The following SNTG1 variants were observed in gnomAD, a reference collection of about 807,000 sequenced individuals.
SNTG1 encodes gamma-1-syntrophin.
Under a neutral mutation model 74.7 loss-of-function variants are expected in SNTG1, and 39 were observed. That is an observed-to-expected ratio of 0.52 (90% CI 0.40 to 0.68). The LOEUF (loss-of-function observed/expected upper bound fraction) is 0.68. Among genes scored for constraint, SNTG1 ranks in the 30% least tolerant of loss-of-function variants. The probability of loss-of-function intolerance (pLI) is 0.00; values close to 1 mark genes in which losing one functional copy is unlikely to be tolerated. For synonymous variants in SNTG1, 254 were observed against 217.1 expected (o/e 1.17, Z -1.49); for missense variants, 685 against 609.5 (o/e 1.12, Z -1.30).
At chr8:50,740,389 T>C (rs911574390) in intron 17 of SNTG1, among the ~76,000 whole-genome samples, 1 of 147,626 alleles carries the variant, frequency 6.8e-6, no homozygotes, top group Admixed American at 6.7e-5. Flanking sequence ...TCAACATCAC[T>C]GATTATTAGA....
At chr8:50,499,732 T>G (rs2093935193) in intron 8 of SNTG1, among the ~76,000 whole-genome samples, 1 of 151,962 alleles carries the variant, frequency 6.6e-6, no homozygotes, top group African/African-American at 2.4e-5. Context: ...TTGCTTAAAG[T>G]GTTCAACAGA....
chr8:50,372,119 C>A (rs922224100), intron 2 of SNTG1, among the ~76,000 whole-genome samples: 1 of 151,730 alleles, frequency 6.6e-6, no homozygotes, highest in African/African-American at 2.4e-5. Context: ...CAACTCTTTT[C>A]ATTTTTCATC....
intron 1 of SNTG1, among the ~76,000 whole-genome samples, chr8:49,996,038 A>C (rs981980520): frequency 6.6e-6 from 1 of 152,104 alleles, no homozygotes; most frequent in Non-Finnish European, 1.5e-5. Flanking sequence ...AAAAGATGAA[A>C]CCTTAGAAAT....
At chr8:50,552,115 T>C (rs2094430648) in intron 11 of SNTG1, among the ~76,000 whole-genome samples, 1 of 152,222 alleles carries the variant, frequency 6.6e-6, no homozygotes, top group Non-Finnish European at 1.5e-5. Flanking sequence ...AGTTTTCTGT[T>C]ACTGTCAAAA....
chr8:50,131,708 T>C (rs951976325), intron 1 of SNTG1, among the ~76,000 whole-genome samples: 2 of 152,120 alleles, frequency 1.3e-5, no homozygotes, highest in African/African-American at 4.8e-5. Flanking sequence ...TACTCAGAAG[T>C]GGGATTGCTG....
chr8:50,608,386 G>A (rs2094827943), intron 13 of SNTG1, among the ~76,000 whole-genome samples: 2 of 151,390 alleles, frequency 1.3e-5, no homozygotes. Context: ...CTGTTGTTAG[G>A]TACTTATATA....
At chr8:50,488,079 T>C (rs2093814797) in intron 8 of SNTG1, among the ~76,000 whole-genome samples, 1 of 152,332 alleles carries the variant, frequency 6.6e-6, no homozygotes, top group South Asian at 2.1e-4. Context: ...CCATTCTATC[T>C]TGTTTTCTGT....
Position 49,963,007 on chromosome 8 carries a change from GC to G in SNTG1, c.-103+50778del, listed in dbSNP as rs570247969. Among the ~76,000 whole-genome samples, 1,102 of 152,334 alleles carry G rather than the reference GC, an allele frequency of 7.2e-3. 9 individuals are homozygous for G. The highest frequency in any genetic ancestry group is 9.1e-3 in the Non-Finnish European group (622 of 68,034). On this transcript the variant is annotated intron_variant, in intron 1 of 18. Coordinates refer to ENST00000642720, the MANE Select transcript of SNTG1 (RefSeq NM_018967.5). ...CGACTCCTGAGTAGGTGCTTCTCAAGCCAGAGGCGGGAAGCGCAATCCAAGA... is the reference window on the plus strand; with the variant it reads ...CGACTCCTGAGTAGGTGCTTCTCAAGCAGAGGCGGGAAGCGCAATCCAAGA...
At chr8:50,210,823 T>C (rs1295191829) in intron 2 of SNTG1, among the ~76,000 whole-genome samples, 6 of 152,132 alleles carry the variant, frequency 3.9e-5, no homozygotes, top group Non-Finnish European at 8.8e-5. Flanking sequence ...AAAAACATAA[T>C]TCATGTTATG....
At chr8:50,699,472 G>A (rs2095416272) in intron 15 of SNTG1, among the ~76,000 whole-genome samples, 1 of 151,838 alleles carries the variant, frequency 6.6e-6, no homozygotes, top group Non-Finnish European at 1.5e-5. Flanking sequence ...TCTTCTAAGT[G>A]GATGAAGTAC....
intron 2 of SNTG1, among the ~76,000 whole-genome samples, chr8:50,324,887 A>G (rs920950076): frequency 5.4e-5 from 8 of 149,362 alleles, no homozygotes; most frequent in African/African-American, 2.0e-4. Flanking sequence ...TGTGATTTAC[A>G]TTTAGGTGTA....
chr8:50,394,376 G>A, intron 3 of SNTG1, 111 bp downstream of exon 3: 7 of 1,034,970 alleles, frequency 6.8e-6, no homozygotes, highest in Non-Finnish European at 1.0e-5. Flanking sequence ...ATGGAGAGAG[G>A]AGGATGGGCT....
intron 1 of SNTG1, among the ~76,000 whole-genome samples, chr8:50,026,969 A>G (rs1375044950): frequency 1.3e-5 from 2 of 152,150 alleles, no homozygotes; most frequent in Admixed American, 6.6e-5. Context: ...TCTGGTTTCC[A>G]TTCCCTCTGG....
chr8:50,142,889 T>C (rs1346863989), intron 1 of SNTG1, among the ~76,000 whole-genome samples: 5 of 151,972 alleles, frequency 3.3e-5, no homozygotes, highest in African/African-American at 9.7e-5. Context: ...CTGGCCAACA[T>C]AGTGAAACCC....
At chr8:50,172,103 C>T (rs2082828624) in intron 1 of SNTG1, among the ~76,000 whole-genome samples, 1 of 152,152 alleles carries the variant, frequency 6.6e-6, no homozygotes, top group African/African-American at 2.4e-5. Flanking sequence ...CCCCCCACCA[C>T]CATAAAACTG....
Position 50,394,237 on chromosome 8 carries a change from A to G in SNTG1, c.-2A>G. ...ACGACATCCTTTGTGGTGCCACAGC[A>G]CATGGATTTCAGAACCGCCTGTGAG... is the stretch of plus-strand genomic sequence containing the variant. On this transcript the variant is annotated 5_prime_UTR_variant, in exon 3 of 19. Transcript: ENST00000642720. 1 of 1,613,234 alleles carries G rather than the reference A, an allele frequency of 6.2e-7. No homozygotes were observed. The highest frequency in any genetic ancestry group is 8.5e-7 in the Non-Finnish European group (1 of 1,179,478).
intron 2 of SNTG1, among the ~76,000 whole-genome samples, chr8:50,266,000 G>A (rs922279979): frequency 1.3e-5 from 2 of 150,130 alleles, no homozygotes; most frequent in Non-Finnish European, 3.0e-5. Flanking sequence ...TGTTAAAAAA[G>A]CTATACTTTA....
At chr8:50,510,218 C>A (rs527756910) in intron 9 of SNTG1, among the ~76,000 whole-genome samples, 175 of 152,138 alleles carry the variant, frequency 1.2e-3, no homozygotes, top group African/African-American at 4.1e-3. Flanking sequence ...GGATTACATT[C>A]ATTGATTTGC....
intron 9 of SNTG1, among the ~76,000 whole-genome samples, chr8:50,508,607 C>T (rs918342024): frequency 2.6e-5 from 4 of 152,134 alleles, no homozygotes; most frequent in African/African-American, 9.7e-5. Flanking sequence ...TTAATGATCG[C>T]CATTCTAACT....
Sources: gnomAD v4.1 joint callset for allele counts (sites outside exome capture counted in the v4.1 genomes callset) on GRCh38, gnomAD v4.1.1 for gene constraint, MANE v1.5 for transcripts, NCBI Gene and HGNC (gene_info 2026-07-23, HGNC 2026-07-21) for gene names.